Variants in ANKRD13C observed in about 807,000 individuals in gnomAD.
ANKRD13C encodes ankyrin repeat domain-containing protein 13C.
Under a neutral mutation model 65.5 loss-of-function variants are expected in ANKRD13C, and 16 were observed. The ratio of observed to expected loss-of-function variants is 0.24; its 90% CI spans 0.17 to 0.37. The LOEUF (loss-of-function observed/expected upper bound fraction) is 0.37, where lower values mean the gene tolerates loss of function less well. Among genes scored for constraint, ANKRD13C ranks in the 10% least tolerant of loss-of-function variants. ANKRD13C has a pLI of 1.00. For synonymous variants in ANKRD13C, 235 were observed against 238.7 expected (o/e 0.98, Z 0.14); for missense variants, 503 against 655.9 (o/e 0.77, Z 2.55).
At chr1:70,288,269 A>G (rs1679708395) in intron 9 of ANKRD13C, among the ~76,000 whole-genome samples, 1 of 152,208 alleles carries the variant, frequency 6.6e-6, no homozygotes, top group East Asian at 1.9e-4. Flanking sequence ...AGGATGTAGA[A>G]AAACTGGATC....
At chr1:70,310,197 G>A (rs1446016952) in intron 5 of ANKRD13C, among the ~76,000 whole-genome samples, 1 of 152,170 alleles carries the variant, frequency 6.6e-6, no homozygotes, top group Admixed American at 6.5e-5. Context: ...ATAAAAAAGA[G>A]TGTGCTCTAC....
At chr1:70,276,522 T>C (rs1679141703) in intron 10 of ANKRD13C, among the ~76,000 whole-genome samples, 1 of 152,212 alleles carries the variant, frequency 6.6e-6, no homozygotes, top group South Asian at 2.1e-4. Context: ...TTTTTAGGTG[T>C]GTATAAATTG....
chr1:70,331,327 G>A (rs374543090), intron 2 of ANKRD13C, among the ~76,000 whole-genome samples: 3 of 151,988 alleles, frequency 2.0e-5, no homozygotes, highest in Admixed American at 6.6e-5. Flanking sequence ...CTGGGAGGCC[G>A]AGGTGGGTAA....
chr1:70,345,371 G>T (rs939135788), intron 1 of ANKRD13C, among the ~76,000 whole-genome samples: 11 of 151,902 alleles, frequency 7.2e-5, no homozygotes, highest in Non-Finnish European at 1.6e-4. Flanking sequence ...AGAGGTTGCG[G>T]TGAGCCGAAA....
intron 12 of ANKRD13C, among the ~76,000 whole-genome samples, chr1:70,263,207 A>G (rs1322641465): frequency 6.6e-6 from 1 of 152,106 alleles, no homozygotes; most frequent in East Asian, 1.9e-4. Flanking sequence ...TTCTCTTCAG[A>G]TTATAGTATA....
At chr1:70,309,377 C>T (rs1680736920) in intron 5 of ANKRD13C, among the ~76,000 whole-genome samples, 1 of 150,768 alleles carries the variant, frequency 6.6e-6, no homozygotes, top group Non-Finnish European at 1.5e-5. Context: ...CCAGCCTACT[C>T]CCCAATTTTC....
At chr1:70,285,187 CTTTT>C (rs60703728) in intron 9 of ANKRD13C, among the ~76,000 whole-genome samples, 1,175 of 105,180 alleles carry the variant, frequency 0.011, 8 homozygotes, top group African/African-American at 0.047. Context: ...TTTATAATGT[CTTTT>C]TTTTTTTTTT....
At chr1:70,285,215 T>A (rs1366181320) in intron 9 of ANKRD13C, among the ~76,000 whole-genome samples, 2 of 140,610 alleles carry the variant, frequency 1.4e-5, no homozygotes. Flanking sequence ...TTTTTTGAGA[T>A]GGAGTCTCAC....
intron 5 of ANKRD13C, among the ~76,000 whole-genome samples, chr1:70,308,388 A>C (rs2101416875): frequency 6.6e-6 from 1 of 152,226 alleles, no homozygotes; most frequent in African/African-American, 2.4e-5. Context: ...GGAAAGGAGG[A>C]AAATGGTAAG....
intron 7 of ANKRD13C, among the ~76,000 whole-genome samples, chr1:70,300,261 G>A (rs1000433782): frequency 6.6e-5 from 10 of 152,048 alleles, no homozygotes; most frequent in East Asian, 1.9e-4. Context: ...TCAATGGACC[G>A]GTCAAGATGG....
intron 10 of ANKRD13C, among the ~76,000 whole-genome samples, chr1:70,276,469 G>C (rs148103596): frequency 6.6e-6 from 1 of 152,100 alleles, no homozygotes; most frequent in East Asian, 1.9e-4. Context: ...ACTGTCCTGC[G>C]CAATTTCCTA....
intron 3 of ANKRD13C, among the ~76,000 whole-genome samples, chr1:70,318,865 T>C (rs1248661645): frequency 6.6e-6 from 1 of 152,014 alleles, no homozygotes; most frequent in Non-Finnish European, 1.5e-5. Flanking sequence ...GTATTTTTAG[T>C]AGAAACAGGG....
intron 5 of ANKRD13C, among the ~76,000 whole-genome samples, chr1:70,306,495 G>C (rs1400437718): frequency 6.6e-6 from 1 of 151,994 alleles, no homozygotes; most frequent in East Asian, 1.9e-4. Context: ...TGTAATTTCT[G>C]TATAGTTTAC....
In ANKRD13C at chr1:70,354,099, C is replaced by T; in HGVS notation, c.310G>A (p.Val104Ile). The T allele has an allele frequency of 6.2e-7, 1 of 1,612,484 alleles. No homozygotes were observed. The change falls in exon 1 of 13, where the codon GTC (valine) becomes ATC (isoleucine). Residue 104 changes from valine to isoleucine, a missense_variant. Coordinates refer to ENST00000370944, the MANE Select transcript of ANKRD13C (RefSeq NM_030816.5). ...LLAGTNPVAV[V>I]ADGGSCPAHY... ...GCGGGGCAACTGCCTCCATCCGCGA[C>T]GACAGCAACGGGGTTGGTGCCGGCC...
chr1:70,283,310 C>T (rs1173939516), intron 9 of ANKRD13C, among the ~76,000 whole-genome samples: 2 of 151,958 alleles, frequency 1.3e-5, no homozygotes, highest in Non-Finnish European at 2.9e-5. Flanking sequence ...AGTTATTTTG[C>T]CAAATCAATT....
intron 9 of ANKRD13C, among the ~76,000 whole-genome samples, chr1:70,287,880 C>A (rs1018285720): frequency 2.6e-5 from 4 of 152,040 alleles, no homozygotes; most frequent in Non-Finnish European, 5.9e-5. Context: ...GTTAACTGGG[C>A]ATGGTGATGC....
chr1:70,274,867 C>T (rs781334852), intron 10 of ANKRD13C, 49 bp from the exon 11 acceptor site: 1 of 1,148,432 alleles, frequency 8.7e-7, no homozygotes, highest in Non-Finnish European at 1.3e-6. Flanking sequence ...CATAGTCTAT[C>T]ACCTTCCTAA....
chr1:70,267,375 G>GT (rs1012637861), intron 12 of ANKRD13C, among the ~76,000 whole-genome samples: 250 of 151,840 alleles, frequency 1.6e-3, no homozygotes, highest in African/African-American at 5.8e-3. Flanking sequence ...GTTTTGTTTT[G>GT]TTTTTTTATT....
At chr1:70,269,972 T>C (rs1217790734) in intron 12 of ANKRD13C, among the ~76,000 whole-genome samples, 6 of 152,194 alleles carry the variant, frequency 3.9e-5, no homozygotes, top group Non-Finnish European at 8.8e-5. Context: ...TAATGCTAAA[T>C]CTAAATCTAA....
Sources: allele counts gnomAD v4.1 joint callset (sites outside exome capture counted in the v4.1 genomes callset), GRCh38; gene constraint gnomAD v4.1.1; transcripts MANE v1.5; gene names NCBI Gene and HGNC (gene_info 2026-07-23, HGNC 2026-07-21).